Variants in MTA2 observed in about 807,000 individuals in gnomAD.
MTA2 encodes metastasis associated 1 family member 2, also known as metastasis-associated protein MTA2.
Under a neutral mutation model 87.1 loss-of-function variants are expected in MTA2, and 22 were observed. That is an observed-to-expected ratio of 0.25 (90% CI 0.18 to 0.36). MTA2 has a LOEUF of 0.36. Ranked by LOEUF, MTA2 falls within the 10% of genes least tolerant of loss-of-function variation. The pLI, the probability that MTA2 is intolerant of heterozygous loss-of-function variation, is 1.00. For synonymous variants in MTA2, 314 were observed against 310.1 expected, an observed-to-expected ratio of 1.01 and a Z score of -0.13; for missense variants, 542 against 853.2, an observed-to-expected ratio of 0.64 and a Z score of 4.54.
intron 1 of MTA2, chr11:62,601,100 G>C: frequency 2.0e-6 from 1 of 507,456 alleles, no homozygotes; most frequent in Middle Eastern, 5.1e-4. Flanking sequence ...CAAAGCCGTC[G>C]CCCCAGCCCC....
rs533761766 is a variant in MTA2, at chr11:62,601,148, C to T, written c.28+275G>A. On this transcript the variant is annotated intron_variant, in intron 1 of 17. Coordinates refer to ENST00000278823, the MANE Select transcript of MTA2 (RefSeq NM_004739.4). Reference sequence around the variant, plus strand: ...CCTACCCTGTCAGCTCCTTCGGAACCGGTTCCGAAGGCCACTCCGTGCCCC... The same window carrying T: ...CCTACCCTGTCAGCTCCTTCGGAACTGGTTCCGAAGGCCACTCCGTGCCCC... 1.4e-3 allele frequency: 737 copies of T among 538,292 alleles called. 2 individuals carry two copies. Among genetic ancestry groups the T allele is most frequent in the Non-Finnish European group, 1.9e-3 (600 of 308,230 alleles). 33.3% of individuals were successfully genotyped at this position (538,292 alleles called of 1,614,324 possible). A position where few individuals can be genotyped will look rare whatever the true frequency, so the allele number is the denominator to read the frequency against.
At position 62,601,645 on chromosome 11, in the gene MTA2, C is replaced by T. The variant is rs1399850959; in HGVS notation, c.-195G>A. The T allele has an allele frequency of 3.4e-6, 2 of 588,692 alleles. No homozygotes were observed. Among genetic ancestry groups the T allele is most frequent in the Non-Finnish European group, 5.7e-6 (2 of 350,872 alleles). 36.5% of individuals were successfully genotyped at this position (588,692 alleles called of 1,614,324 possible). Reference sequence around the variant, plus strand: ...CCCGCGCTGTCGCCGCCGCAGCTATCGCCTCACTCCCGGGACGCTGAGGCT... The same window carrying T: ...CCCGCGCTGTCGCCGCCGCAGCTATTGCCTCACTCCCGGGACGCTGAGGCT... On this transcript the variant is annotated 5_prime_UTR_variant, in exon 1 of 18. Coordinates refer to ENST00000278823, the MANE Select transcript of MTA2 (RefSeq NM_004739.4).
At chr11:62,596,130 G>T in intron 11 of MTA2, 23 bp from the exon 12 acceptor site, 1 of 1,612,444 alleles carries the variant, frequency 6.2e-7, no homozygotes, top group South Asian at 1.1e-5. Context: ...GCGAGGAGAA[G>T]GGAAAAAAAC....
At chr11:62,600,109 A>C in intron 3 of MTA2, 57 bp downstream of exon 3, 1 of 1,482,864 alleles carries the variant, frequency 6.7e-7, no homozygotes, top group South Asian at 1.1e-5. Context: ...ACCTGCAGGG[A>C]CATGCCCAGG....
intron 3 of MTA2, among the ~76,000 whole-genome samples, chr11:62,599,813 CAAT>C (rs1942153508): frequency 6.6e-6 from 1 of 152,148 alleles, no homozygotes; most frequent in African/African-American, 2.4e-5. Context: ...CTTCTCAGTA[CAAT>C]GTCTTCCTCT....
chr11:62,595,250 C>A lies in MTA2; in HGVS notation c.1483+14G>T. 6.2e-7 allele frequency: 1 copy of A among 1,612,650 alleles called. No individual in the cohort carries two copies. The highest frequency in any genetic ancestry group is 8.5e-7 in the Non-Finnish European group (1 of 1,178,678). The stretch of plus-strand genomic sequence containing the variant: ...CCGAAACCCACCACCAGTCCCACCA[C>A]TCCCTGCCCTTACACTCTGCTTTGA... On this transcript the variant is annotated intron_variant, in intron 14 of 17. Coordinates refer to ENST00000278823, the MANE Select transcript of MTA2 (RefSeq NM_004739.4). This position sits in a 1 kb window ranked among gnomAD's most constrained non-coding sequence, Gnocchi z 4.9.
intron 6 of MTA2, 56 bp from the exon 7 acceptor site, chr11:62,597,768 T>C (rs963877874): frequency 2.9e-5 from 41 of 1,414,420 alleles, no homozygotes; most frequent in Non-Finnish European, 4.0e-5. Flanking sequence ...ACAGTTGGTG[T>C]CTTTTCATTC....
At chr11:62,598,163 G>A (rs764419795) in intron 5 of MTA2, 22 bp from the exon 6 acceptor site, 8 of 1,611,662 alleles carry the variant, frequency 5.0e-6, no homozygotes, top group Non-Finnish European at 6.8e-6. Context: ...GAGAGACAAG[G>A]TAAGCAAGGC....
In MTA2 at chr11:62,600,263, A is replaced by C. The variant is rs551973893; in HGVS notation, c.97-4T>G. ...CCTCCACATTTCCATTTGCAGTCTA[A>C]GGGGAGGAAAAAAACAAAAACAAAA... On this transcript the variant is annotated splice_polypyrimidine_tract_variant and splice_region_variant and intron_variant, in intron 2 of 17. Coordinates refer to ENST00000278823, the MANE Select transcript of MTA2 (RefSeq NM_004739.4). 11 of 1,613,668 alleles carry C rather than the reference A, an allele frequency of 6.8e-6. No homozygotes were observed. The African/African-American group carries it at 1.2e-4, about 18-fold the overall frequency.
rs1942087441 is a variant in MTA2, at chr11:62,595,582, C to G, written c.1255-90G>C. ...ATTCCCTGCAGGGGACAATTTATTC[C>G]TGTCTAATCTCTTTACTGACCTCTT... On this transcript the variant is annotated intron_variant, in intron 13 of 17. Coordinates refer to ENST00000278823, the MANE Select transcript of MTA2 (RefSeq NM_004739.4). This position sits in a 1 kb window ranked among gnomAD's most constrained non-coding sequence, Gnocchi z 4.9. 2.6e-6 allele frequency: 4 copies of G among 1,531,414 alleles called. No homozygotes were observed. Among genetic ancestry groups the G allele is most frequent in the Admixed American group, 3.6e-5 (2 of 55,402 alleles). The allele number at this position is 1,531,414 out of a possible 1,614,324, so 94.9% of individuals were successfully genotyped here.
At position 62,596,438 on chromosome 11, in the gene MTA2, C is replaced by A. The variant is rs1312048942; in HGVS notation, c.957+20G>T. ...GTCAGCAGGTAGCCTATGGTCCACCCTCCCCAGCCCAGATAATACCTGCTG... is the reference window on the plus strand; with the variant it reads ...GTCAGCAGGTAGCCTATGGTCCACCATCCCCAGCCCAGATAATACCTGCTG... On this transcript the variant is annotated intron_variant, in intron 10 of 17. Coordinates refer to ENST00000278823, the MANE Select transcript of MTA2 (RefSeq NM_004739.4). 2 of 1,613,446 alleles carry A rather than the reference C, an allele frequency of 1.2e-6. No individual in the cohort carries two copies. Among genetic ancestry groups the A allele is most frequent in the Non-Finnish European group, 1.7e-6 (2 of 1,179,670 alleles).
rs762557781 is a variant in MTA2, at chr11:62,597,438, A to G, written c.594-23T>C. On this transcript the variant is annotated intron_variant, in intron 7 of 17. Transcript: ENST00000278823. ...GCTCTAAGGGAGAAATTGAGAAGTC[A>G]AAAGCGAAAGAAAAGTCAAAAGCCC... 6 of 1,600,158 alleles carry G rather than the reference A, an allele frequency of 3.7e-6. No individual in the cohort carries two copies. In the East Asian group the frequency reaches 8.9e-5, roughly 24 times the overall value.
At chr11:62,600,831 G>A (rs1029209452) in intron 1 of MTA2, 142 bp from the exon 2 acceptor site, 2 of 658,672 alleles carry the variant, frequency 3.0e-6, no homozygotes, top group South Asian at 1.9e-5. Context: ...ATGTGAAAGT[G>A]GACAGACTAA....
Position 62,600,150 on chromosome 11 carries a change from G to A in MTA2, c.190+16C>T, listed in dbSNP as rs781330627. 12 of 1,607,906 alleles carry A rather than the reference G, an allele frequency of 7.5e-6. No homozygotes were observed. In the East Asian group the frequency reaches 1.3e-4, roughly 18 times the overall value. On this transcript the variant is annotated intron_variant, in intron 3 of 17. Transcript: ENST00000278823. ...GATCATGGGTAGGAGAAAAAGAAAG[G>A]GAGGAAGATACTCACTGGCATTACT...
At chr11:62,600,988 CG>C in intron 1 of MTA2, 1 of 488,154 alleles carries the variant, frequency 2.0e-6, no homozygotes, top group East Asian at 3.7e-5. Context: ...CCAGTCGCGG[CG>C]AAGTAATTGT....
chr11:62,595,756 G>A lies in MTA2; in HGVS notation c.1250C>T (p.Thr417Ile). 1 of 1,613,998 alleles carries A rather than the reference G, an allele frequency of 6.2e-7. No homozygotes were observed. Among genetic ancestry groups the A allele is most frequent in the Non-Finnish European group, 8.5e-7 (1 of 1,179,996 alleles). ...TTTCTTCCCACTGATCCTTACCGTGGTGCCCCGAGTGGCCCCCTCAAGCTG... is the reference window on the plus strand; with the variant it reads ...TTTCTTCCCACTGATCCTTACCGTGATGCCCCGAGTGGCCCCCTCAAGCTG... ...PTQLEGATRG[T>I]TEPHSRGHLS... The change falls in exon 13 of 18, where the codon ACC becomes ATC. Residue 417 changes from threonine (T) to isoleucine (I), a missense_variant. Around this residue, in one of 6 missense-constraint regions of MTA2, gnomAD observed 269 missense variants for 346.4 expected, o/e 0.78. Transcript: ENST00000278823. The surrounding 1 kb of genome is among the most constrained non-coding windows in gnomAD (Gnocchi z 4.9).
intron 3 of MTA2, 88 bp from the exon 4 acceptor site, chr11:62,598,727 T>C (rs1942133139): frequency 1.6e-6 from 2 of 1,216,958 alleles, no homozygotes; most frequent in Non-Finnish European, 1.2e-6. Flanking sequence ...AAATATTTCC[T>C]ATCTTGGCTG....
At chr11:62,597,752 G>A (rs954704654) in intron 6 of MTA2, 40 bp from the exon 7 acceptor site, 2 of 1,545,908 alleles carry the variant, frequency 1.3e-6, no homozygotes, top group African/African-American at 1.4e-5. Flanking sequence ...GAGAGGGCAG[G>A]GGGGAACAGT....
chr11:62,597,551 G>T, intron 7 of MTA2, 59 bp downstream of exon 7: 1 of 1,524,378 alleles, frequency 6.6e-7, no homozygotes, highest in South Asian at 1.1e-5. Context: ...AGAACCATGG[G>T]ACTCAGAACA....
Sources: allele counts gnomAD v4.1 joint callset (sites outside exome capture counted in the v4.1 genomes callset), GRCh38; gene constraint gnomAD v4.1.1; regional missense constraint gnomAD v4.1.1; non-coding constraint Gnocchi (gnomAD v3.1); transcripts MANE v1.5; gene names NCBI Gene and HGNC (gene_info 2026-07-23, HGNC 2026-07-21).